The following ELMO1 variants were observed in gnomAD, a reference collection of about 807,000 sequenced individuals.
ELMO1 encodes the protein engulfment and cell motility 1, also known as engulfment and cell motility protein 1.
Under a neutral mutation model 98.9 loss-of-function variants are expected in ELMO1, and 26 were observed. The ratio of observed to expected loss-of-function variants is 0.26; its 90% confidence interval spans 0.19 to 0.36. The LOEUF (loss-of-function observed/expected upper bound fraction) is 0.36, where lower values mean the gene tolerates loss of function less well. Among genes scored for constraint, ELMO1 ranks in the 10% least tolerant of loss-of-function variants. The pLI is 1.00. For synonymous variants in ELMO1, 346 were observed against 346.0 expected (o/e 1.00, Z 0.00); for missense variants, 627 against 935.2 (o/e 0.67, Z 4.30).
At chr7:36,976,842 A>G (rs1790591497) in intron 16 of ELMO1, among the ~76,000 whole-genome samples, 1 of 152,208 alleles carries the variant, frequency 6.6e-6, no homozygotes, top group Non-Finnish European at 1.5e-5. Flanking sequence ...TTCCCTTGAA[A>G]AGTCTTCACA....
chr7:37,216,526 C>T (rs1793292537), intron 11 of ELMO1, 119 bp downstream of exon 11: 1 of 1,175,440 alleles, frequency 8.5e-7, no homozygotes, highest in African/African-American at 1.5e-5. Context: ...AGAGTTCCTA[C>T]TGCTTCACCA....
chr7:37,211,083 C>A, intron 13 of ELMO1: 1 of 259,212 alleles, frequency 3.9e-6, no homozygotes, highest in South Asian at 6.1e-5. Flanking sequence ...AAATCTTAAG[C>A]ATCTTGTGAA....
intron 13 of ELMO1, among the ~76,000 whole-genome samples, chr7:37,210,493 T>C (rs1411961620): frequency 6.6e-6 from 1 of 151,246 alleles, no homozygotes; most frequent in African/African-American, 2.4e-5. Context: ...TATACAGATA[T>C]ATACATTGTG....
intron 9 of ELMO1, 110 bp downstream of exon 9, chr7:37,224,768 CT>C: frequency 1.4e-6 from 2 of 1,453,980 alleles, no homozygotes; most frequent in Non-Finnish European, 1.9e-6. Context: ...AATTGAGATT[CT>C]TTTTCTGTAC....
chr7:36,970,576 T>C lies in ELMO1; in HGVS notation c.1437+42723A>G, dbSNP rs541627030. Among the ~76,000 whole-genome samples the C allele has an allele frequency of 5.3e-5, 8 of 152,326 alleles. No homozygotes were observed. In the East Asian group the frequency reaches 1.3e-3, roughly 26 times the overall value. On this transcript the variant is annotated intron_variant, in intron 16 of 21. Coordinates refer to ENST00000310758, the MANE Select transcript of ELMO1 (RefSeq NM_014800.11). ...AGAGCAAAAGCTGGATTGTATTCTT[T>C]TTGAATTCCTTCCATGTCCCTGGCA...
At chr7:36,913,503 A>G (rs1784476521) in intron 16 of ELMO1, among the ~76,000 whole-genome samples, 1 of 152,216 alleles carries the variant, frequency 6.6e-6, no homozygotes, top group South Asian at 2.1e-4. Context: ...GAAGCCGAGG[A>G]TACAGTGGAA....
intron 8 of ELMO1, among the ~76,000 whole-genome samples, chr7:37,225,578 G>C (rs1303847565): frequency 6.6e-6 from 1 of 152,168 alleles, no homozygotes; most frequent in African/African-American, 2.4e-5. Context: ...CGAAAAACTC[G>C]TTACCCCTTT....
At chr7:37,288,560 C>T (rs188121759) in intron 4 of ELMO1, among the ~76,000 whole-genome samples, 1 of 152,284 alleles carries the variant, frequency 6.6e-6, no homozygotes, top group East Asian at 1.9e-4. Context: ...TTCCCTGATA[C>T]CTTAAAGCAA....
At chr7:37,180,877 A>T (rs1037798717) in intron 13 of ELMO1, among the ~76,000 whole-genome samples, 1 of 152,088 alleles carries the variant, frequency 6.6e-6, no homozygotes, top group Non-Finnish European at 1.5e-5. Flanking sequence ...ACCAGGGAGG[A>T]AATGAGGCAA....
intron 13 of ELMO1, among the ~76,000 whole-genome samples, chr7:37,193,234 G>T (rs546124975): frequency 6.6e-6 from 1 of 151,812 alleles, no homozygotes; most frequent in African/African-American, 2.4e-5. Flanking sequence ...TTCTTGGTGA[G>T]GGGGGAGGCT....
intron 2 of ELMO1, among the ~76,000 whole-genome samples, chr7:37,331,625 C>T (rs894868757): frequency 4.6e-5 from 7 of 152,106 alleles, no homozygotes; most frequent in Admixed American, 1.3e-4. Flanking sequence ...TTTGAGGATA[C>T]TCAACACACA....
intron 4 of ELMO1, among the ~76,000 whole-genome samples, chr7:37,282,805 T>C (rs1057238888): frequency 2.0e-5 from 3 of 152,206 alleles, no homozygotes; most frequent in Admixed American, 6.5e-5. Context: ...TTCCCACCCA[T>C]TAATTTGAAG....
chr7:36,919,821 G>A (rs1195610531), intron 16 of ELMO1, among the ~76,000 whole-genome samples: 1 of 152,236 alleles, frequency 6.6e-6, no homozygotes. Context: ...TTGCTAATGT[G>A]ACTGCAAATA....
chr7:36,997,188 A>C (rs1792283430), intron 16 of ELMO1, among the ~76,000 whole-genome samples: 1 of 152,226 alleles, frequency 6.6e-6, no homozygotes, highest in Non-Finnish European at 1.5e-5. Context: ...AGGGTGGCTA[A>C]GCTATGACAG....
intron 4 of ELMO1, among the ~76,000 whole-genome samples, chr7:37,281,446 T>C (rs963691049): frequency 6.6e-6 from 1 of 152,168 alleles, no homozygotes; most frequent in Non-Finnish European, 1.5e-5. Flanking sequence ...GGAAAGGGAT[T>C]CCATGAAAGC....
At chr7:36,955,921 A>C (rs1788403309) in intron 16 of ELMO1, among the ~76,000 whole-genome samples, 1 of 152,082 alleles carries the variant, frequency 6.6e-6, no homozygotes, top group South Asian at 2.1e-4. Flanking sequence ...AACTGTTCTC[A>C]CTTCTCTTTT....
intron 15 of ELMO1, among the ~76,000 whole-genome samples, chr7:37,093,843 G>A (rs181600986): frequency 2.0e-3 from 308 of 152,218 alleles, no homozygotes; most frequent in Non-Finnish European, 3.1e-3. Context: ...TTCCAGAATG[G>A]GCTTTGCAGA....
chr7:37,013,684 A>G (rs1328508664), intron 15 of ELMO1: 2 of 418,572 alleles, frequency 4.8e-6, no homozygotes, highest in Middle Eastern at 1.3e-3. Flanking sequence ...TCCCTAACCC[A>G]TGCCAGGACA....
chr7:37,288,225 G>GTA (rs1166983435), intron 4 of ELMO1, among the ~76,000 whole-genome samples: 1 of 115,990 alleles, frequency 8.6e-6, no homozygotes, highest in Non-Finnish European at 1.9e-5. Flanking sequence ...CTCCCAAAGT[G>GTA]TCACTTTTTT....
Sources: allele counts gnomAD v4.1 joint callset (sites outside exome capture counted in the v4.1 genomes callset), GRCh38; gene constraint gnomAD v4.1.1; transcripts MANE v1.5; gene names NCBI Gene and HGNC (gene_info 2026-07-23, HGNC 2026-07-21).